OPCML: variants seen among roughly 807,000 people sequenced by gnomAD.
OPCML encodes opioid-binding protein/cell adhesion molecule.
A neutral mutation model predicts 37.8 loss-of-function variants in OPCML; 13 were observed. The ratio of observed to expected loss-of-function variants is 0.34; its 90% CI spans 0.22 to 0.55. The LOEUF (loss-of-function observed/expected upper bound fraction) is 0.55, where lower values mean the gene tolerates loss of function less well. Ranked by LOEUF, OPCML falls within the 20% of genes least tolerant of loss-of-function variation. The pLI is 0.91. For synonymous variants in OPCML, 176 were observed against 168.8 expected, an observed-to-expected ratio of 1.04 and a Z score of -0.33; for missense variants, 341 against 435.6, an observed-to-expected ratio of 0.78 and a Z score of 1.93.
chr11:132,618,942 C>A (rs1191964603), intron 3 of OPCML, among the ~76,000 whole-genome samples: 1 of 142,536 alleles, frequency 7.0e-6, no homozygotes, highest in East Asian at 2.0e-4. Context: ...TGTACACACA[C>A]AAGCACACGC....
intron 1 of OPCML, among the ~76,000 whole-genome samples, chr11:133,113,416 A>C (rs769143608): frequency 1.2e-4 from 19 of 152,242 alleles, no homozygotes; most frequent in Non-Finnish European, 1.3e-4. Flanking sequence ...AAGGGAGAAG[A>C]ACAAGGAAGC....
chr11:132,543,795 C>T (rs2096362805), intron 3 of OPCML, among the ~76,000 whole-genome samples: 1 of 152,024 alleles, frequency 6.6e-6, no homozygotes, highest in Non-Finnish European at 1.5e-5. Flanking sequence ...CATGCTGGAT[C>T]CACAAAAGAC....
chr11:132,602,294 T>G (rs1254550518), intron 3 of OPCML, among the ~76,000 whole-genome samples: 1 of 152,204 alleles, frequency 6.6e-6, no homozygotes, highest in African/African-American at 2.4e-5. Context: ...ACACCATATA[T>G]TCTCACCTAC....
At chr11:133,070,283 C>T (rs558564371) in intron 1 of OPCML, among the ~76,000 whole-genome samples, 15 of 152,140 alleles carry the variant, frequency 9.9e-5, no homozygotes, top group Non-Finnish European at 8.8e-5. Context: ...CAAAGGCTGT[C>T]GTGTCTTTCA....
chr11:133,135,526 C>T (rs1444155266), intron 1 of OPCML, among the ~76,000 whole-genome samples: 1 of 149,860 alleles, frequency 6.7e-6, no homozygotes, highest in Non-Finnish European at 1.5e-5. Flanking sequence ...AAATGCTCTG[C>T]TAAACCTGTC....
At chr11:132,622,186 C>T (rs185318630) in intron 3 of OPCML, among the ~76,000 whole-genome samples, 1 of 151,210 alleles carries the variant, frequency 6.6e-6, no homozygotes, top group East Asian at 1.9e-4. Flanking sequence ...AGAAGGTTGA[C>T]AAAGCTTTAG....
intron 2 of OPCML, among the ~76,000 whole-genome samples, chr11:132,809,092 GCACT>G (rs2136221134): frequency 6.6e-6 from 1 of 152,204 alleles, no homozygotes; most frequent in Admixed American, 6.5e-5. Context: ...AAAGAAAGTG[GCACT>G]CACTCAGGAT....
chr11:132,694,148 GAA>G (rs1322371559), intron 2 of OPCML, among the ~76,000 whole-genome samples: 5 of 118,638 alleles, frequency 4.2e-5, no homozygotes, highest in Non-Finnish European at 6.8e-5. Flanking sequence ...TCTTCTCCTA[GAA>G]AAAGAGTTTC....
chr11:132,565,287 A>C (rs1358614793), intron 3 of OPCML, among the ~76,000 whole-genome samples: 1 of 152,130 alleles, frequency 6.6e-6, no homozygotes, highest in East Asian at 1.9e-4. Context: ...CACCTTCTCA[A>C]CTTGGGCTGT....
intron 1 of OPCML, among the ~76,000 whole-genome samples, chr11:133,407,277 TC>T (rs557142659): frequency 2.7e-4 from 41 of 152,294 alleles, no homozygotes; most frequent in African/African-American, 9.9e-4. Context: ...CCAATATTAA[TC>T]CCTGGAGTTA....
chr11:133,055,779 A>G (rs1178089538), intron 1 of OPCML, among the ~76,000 whole-genome samples: 13 of 126,446 alleles, frequency 1.0e-4, no homozygotes, highest in Admixed American at 2.4e-4. Flanking sequence ...TGAGGGAGCC[A>G]CCTCTACTGT....
At chr11:132,962,787 G>A (rs1000229246) in intron 1 of OPCML, among the ~76,000 whole-genome samples, 2 of 152,156 alleles carry the variant, frequency 1.3e-5, no homozygotes, top group Admixed American at 6.5e-5. Flanking sequence ...GCACTTCACC[G>A]CATTTGGGTT....
At chr11:132,601,321 A>G (rs1937873163) in intron 3 of OPCML, among the ~76,000 whole-genome samples, 1 of 151,962 alleles carries the variant, frequency 6.6e-6, no homozygotes, top group African/African-American at 2.4e-5. Flanking sequence ...CCCCATTTTG[A>G]AGCTCCACCT....
intron 1 of OPCML, among the ~76,000 whole-genome samples, chr11:133,350,635 T>C (rs1334644418): frequency 6.6e-6 from 1 of 152,316 alleles, no homozygotes; most frequent in African/African-American, 2.4e-5. Context: ...TTACATGAAA[T>C]AGCACATACT....
At chr11:132,876,992 C>T (rs983254) in intron 2 of OPCML, among the ~76,000 whole-genome samples, 1,593 of 152,314 alleles carry the variant, frequency 0.01, 25 homozygotes, top group African/African-American at 0.036. Flanking sequence ...TTGGCAATGG[C>T]TGTCCTTGTG....
At chr11:133,418,259 A>G (rs1435584575) in intron 1 of OPCML, 18 of 985,340 alleles carry the variant, frequency 1.8e-5, no homozygotes, top group Non-Finnish European at 2.2e-5. Context: ...GTACAAGGTC[A>G]ACACCATTCT....
At chr11:133,149,902 TTGAGTCACTATCAC>T (rs1949953383) in intron 1 of OPCML, among the ~76,000 whole-genome samples, 1 of 152,010 alleles carries the variant, frequency 6.6e-6, no homozygotes, top group South Asian at 2.1e-4. Context: ...TATGCCAGAG[TTGAGTCACTATCAC>T]TCTTCAAGAG....
chr11:132,995,701 G>A (rs556581197), intron 1 of OPCML, among the ~76,000 whole-genome samples: 4 of 152,268 alleles, frequency 2.6e-5, no homozygotes, highest in Admixed American at 6.5e-5. Flanking sequence ...TCAGCAGGAC[G>A]TGAGCCTCCT....
intron 1 of OPCML, among the ~76,000 whole-genome samples, chr11:133,523,895 C>T (rs888054451): frequency 2.6e-5 from 4 of 152,234 alleles, no homozygotes; most frequent in African/African-American, 9.6e-5. Flanking sequence ...ACCAAGGCTT[C>T]ACCAGCCTCC....
Sources: allele counts gnomAD v4.1 joint callset (sites outside exome capture counted in the v4.1 genomes callset), GRCh38; gene constraint gnomAD v4.1.1; transcripts MANE v1.5; gene names NCBI Gene and HGNC (gene_info 2026-07-23, HGNC 2026-07-21).